The following SLC7A6 variants were observed in gnomAD, a reference collection of about 807,000 sequenced individuals.
The protein encoded by SLC7A6 is solute carrier family 7 member 6.
In SLC7A6, 29 loss-of-function variants were observed where a neutral mutation model predicts 46.6. The ratio of observed to expected loss-of-function variants is 0.62; its 90% confidence interval spans 0.46 to 0.85. The LOEUF is 0.85. Ranked by LOEUF, SLC7A6 falls within the 40% of genes least tolerant of loss-of-function variation. SLC7A6 has a pLI of 0.00. For missense variants in SLC7A6, 527 were observed against 647.6 expected, an observed-to-expected ratio of 0.81 and a Z score of 2.02; for synonymous variants, 276 against 257.3, an observed-to-expected ratio of 1.07 and a Z score of -0.70.
At position 68,301,290 on chromosome 16, in the gene SLC7A6, G is replaced by A. The variant is rs758594873; in HGVS notation, c.*3962G>A. On this transcript the variant is annotated 3_prime_UTR_variant, in exon 11 of 11. Transcript: ENST00000219343. ...CACAAGACCATCAGTCTGAATCCAG[G>A]TCGTGGGGGCTGTCATAGCCGAACT... The A allele has an allele frequency of 5.6e-6, 9 of 1,613,964 alleles. No homozygotes were observed. The African/African-American group carries it at 8.0e-5, about 14-fold the overall frequency.
intron 3 of SLC7A6, among the ~76,000 whole-genome samples, chr16:68,282,921 C>G (rs1302999298): frequency 1.3e-5 from 2 of 152,182 alleles, no homozygotes; most frequent in African/African-American, 4.8e-5. Flanking sequence ...CCCGGCCTTT[C>G]TTCCACATTT....
chr16:68,275,398 C>T lies in SLC7A6; in HGVS notation c.523+149C>T, dbSNP rs181763037. On this transcript the variant is annotated intron_variant, in intron 3 of 10. Coordinates refer to ENST00000219343, the MANE Select transcript of SLC7A6 (RefSeq NM_003983.6). ...ATCACCTGAGGTTGGGAGTTCGAGA[C>T]CAGCCTGACCAACATGGAGAAACCC... 4 of 901,964 alleles carry T rather than the reference C, an allele frequency of 4.4e-6. No homozygotes were observed. The South Asian group carries it at 6.7e-5, about 15-fold the overall frequency. 55.9% of individuals were successfully genotyped at this position (901,964 alleles called of 1,614,324 possible).
At position 68,300,773 on chromosome 16, in the gene SLC7A6, C is replaced by T. The variant is rs1409106200; in HGVS notation, c.*3445C>T. The stretch of plus-strand genomic sequence containing the variant: ...TAACTAAAATCTCCCACTGCTCAGA[C>T]TACTTTCTGCCCTAATGGCCATTAC... On this transcript the variant is annotated 3_prime_UTR_variant, in exon 11 of 11. Transcript: ENST00000219343. 2 of 985,300 alleles carry T rather than the reference C, an allele frequency of 2.0e-6. No homozygotes were observed. The highest frequency in any genetic ancestry group is 6.1e-5 in the Admixed American group (1 of 16,274). The allele number at this position is 985,300 out of a possible 1,614,324, so 61.0% of individuals were successfully genotyped here. A position where few individuals can be genotyped will look rare whatever the true frequency, so the allele number is the denominator to read the frequency against.
chr16:68,283,572 A>G (rs1357652111), intron 3 of SLC7A6, among the ~76,000 whole-genome samples: 1 of 144,734 alleles, frequency 6.9e-6, no homozygotes, highest in Admixed American at 7.1e-5. Flanking sequence ...TAAAATTTCT[A>G]TTACGAATGA....
chr16:68,287,218 T>C (rs148094207), intron 3 of SLC7A6: 4 of 787,952 alleles, frequency 5.1e-6, no homozygotes, highest in Non-Finnish European at 7.1e-6. Flanking sequence ...GCTCACATGA[T>C]CCATCTGCCT....
In SLC7A6 at chr16:68,290,724, G is replaced by A. The variant is rs771043765; in HGVS notation, c.794+184G>A. 5.5e-5 allele frequency: 39 copies of A among 711,336 alleles called. No individual in the cohort carries two copies. The Middle Eastern group carries it at 1.2e-3, about 21-fold the overall frequency. The allele number at this position is 711,336 out of a possible 1,614,324, so 44.1% of individuals were successfully genotyped here. On this transcript the variant is annotated intron_variant, in intron 5 of 10. Transcript: ENST00000219343. ...AGTGAGTGAAGGTAGGAAAGCCTTC[G>A]GCTCCCTGTCCTCACGTTCGCACTG... is the stretch of plus-strand genomic sequence containing the variant.
chr16:68,296,177 C>T (rs2043161283), intron 8 of SLC7A6, among the ~76,000 whole-genome samples, 187 bp from the exon 9 acceptor site: 1 of 151,996 alleles, frequency 6.6e-6, no homozygotes, highest in African/African-American at 2.4e-5. Flanking sequence ...AAGATGCTAC[C>T]CTGAGGGTTA....
At chr16:68,266,419 A>G (rs2042535543) in intron 1 of SLC7A6, among the ~76,000 whole-genome samples, 174 bp from the exon 2 acceptor site, 1 of 152,202 alleles carries the variant, frequency 6.6e-6, no homozygotes, top group South Asian at 2.1e-4. Flanking sequence ...GGAACCTGCT[A>G]GTAATTAGGA....
At chr16:68,268,880 G>A (rs977900960) in intron 2 of SLC7A6, among the ~76,000 whole-genome samples, 3 of 152,116 alleles carry the variant, frequency 2.0e-5, no homozygotes, top group South Asian at 2.1e-4. Context: ...GGTGGCGCAT[G>A]CCTGTAATCC....
chr16:68,295,631 G>A (rs1007780516), intron 8 of SLC7A6, among the ~76,000 whole-genome samples: 1 of 152,224 alleles, frequency 6.6e-6, no homozygotes, highest in Non-Finnish European at 1.5e-5. Flanking sequence ...TCCACAGAAT[G>A]AGCTATTTGG....
In SLC7A6 at chr16:68,284,859, CTTT is replaced by C. The variant is rs71384525; in HGVS notation, c.524-2871_524-2869del. On this transcript the variant is annotated intron_variant, in intron 3 of 10. Coordinates refer to ENST00000219343, the MANE Select transcript of SLC7A6 (RefSeq NM_003983.6). The stretch of plus-strand genomic sequence containing the variant: ...CTGTCTCTTCTGTGTATTTTCTCGT[CTTT>C]TTTTTTTTTTTTTTTAGAGACAAGT... Among the ~76,000 whole-genome samples, 115 of 95,604 alleles carry C rather than the reference CTTT, an allele frequency of 1.2e-3. 2 individuals carry two copies. The highest frequency in any genetic ancestry group is 1.9e-3 in the Non-Finnish European group (100 of 54,024). The allele number at this position is 95,604 out of a possible 152,430, so 62.7% of individuals were successfully genotyped here.
At chr16:68,290,325 C>A in intron 4 of SLC7A6, 71 bp from the exon 5 acceptor site, 1 of 1,520,312 alleles carries the variant, frequency 6.6e-7, no homozygotes, top group South Asian at 1.2e-5. Flanking sequence ...CTTACACCTC[C>A]CATCTCCTCT....
At chr16:68,283,989 G>T (rs538467503) in intron 3 of SLC7A6, among the ~76,000 whole-genome samples, 176 of 152,202 alleles carry the variant, frequency 1.2e-3, no homozygotes, top group Non-Finnish European at 2.3e-3. Flanking sequence ...CAAGGGACTT[G>T]GCTTCTGCTT....
At chr16:68,282,746 T>A (rs1272772085) in intron 3 of SLC7A6, among the ~76,000 whole-genome samples, 1 of 152,118 alleles carries the variant, frequency 6.6e-6, no homozygotes, top group South Asian at 2.1e-4. Context: ...GCCTGCTGAT[T>A]AGCTGGGACT....
At chr16:68,291,752 G>A (rs1318996217) in intron 7 of SLC7A6, 91 bp downstream of exon 7, 4 of 797,920 alleles carry the variant, frequency 5.0e-6, no homozygotes, top group Non-Finnish European at 7.9e-6. Flanking sequence ...TCCTTCTCAT[G>A]GGCATATAGG....
Position 68,301,393 on chromosome 16 carries a change from T to A in SLC7A6, c.*4065T>A. ...TCTTTCCTCCTCACTCAGGCTGTTG[T>A]AGTCAGCAGAGCCTAGAATGACATC... On this transcript the variant is annotated 3_prime_UTR_variant, in exon 11 of 11. Coordinates refer to ENST00000219343, the MANE Select transcript of SLC7A6 (RefSeq NM_003983.6). 1 of 1,614,040 alleles carries A rather than the reference T, an allele frequency of 6.2e-7. No homozygotes were observed. Among genetic ancestry groups the A allele is most frequent in the Non-Finnish European group, 8.5e-7 (1 of 1,179,934 alleles).
intron 2 of SLC7A6, among the ~76,000 whole-genome samples, 196 bp from the exon 3 acceptor site, chr16:68,274,495 G>A (rs1028244711): frequency 6.6e-6 from 1 of 152,210 alleles, no homozygotes; most frequent in Non-Finnish European, 1.5e-5. Context: ...CTCTCATGGT[G>A]TCTTTCTTGG....
intron 2 of SLC7A6, among the ~76,000 whole-genome samples, chr16:68,271,834 G>C (rs1456823669): frequency 2.6e-5 from 4 of 151,262 alleles, no homozygotes; most frequent in Admixed American, 2.6e-4. Context: ...ACAGAGTCTT[G>C]CTCTGTCACC....
chr16:68,291,045 TTCTCAATAGAAAGAACCCAGG>T, intron 5 of SLC7A6, 143 bp from the exon 6 acceptor site: 1 of 804,842 alleles, frequency 1.2e-6, no homozygotes, highest in Non-Finnish European at 2.1e-6. Flanking sequence ...AGTTGGGTCT[TTCTCAATAGAAAGAACCCAGG>T]GTCAAGGGGA....
Sources: allele counts gnomAD v4.1 joint callset (sites outside exome capture counted in the v4.1 genomes callset), GRCh38; gene constraint gnomAD v4.1.1; transcripts MANE v1.5; gene names NCBI Gene and HGNC (gene_info 2026-07-23, HGNC 2026-07-21).